Variants in TNS3 observed in about 807,000 individuals in gnomAD.
TNS3 encodes the protein tensin-3.
Under a neutral mutation model 140.9 loss-of-function variants are expected in TNS3, and 45 were observed. That is an observed-to-expected ratio of 0.32 (90% CI 0.25 to 0.41). The LOEUF is 0.41. Ranked by LOEUF, TNS3 falls within the 10% of genes least tolerant of loss-of-function variation. TNS3 has a pLI of 1.00. For synonymous variants in TNS3, 815 were observed against 788.4 expected (o/e 1.03, Z -0.56); for missense variants, 1,716 against 1,906.7 (o/e 0.90, Z 1.86).
intron 17 of TNS3, among the ~76,000 whole-genome samples, chr7:47,358,757 T>C (rs975376878): frequency 8.5e-5 from 13 of 152,196 alleles, no homozygotes; most frequent in African/African-American, 3.1e-4. Flanking sequence ...TGTTGCTTTA[T>C]GTCCCTGAGA....
intron 1 of TNS3, among the ~76,000 whole-genome samples, chr7:47,549,694 C>T (rs1193155959): frequency 1.3e-5 from 2 of 152,082 alleles, no homozygotes; most frequent in African/African-American, 4.8e-5. Flanking sequence ...AGTCCATCCA[C>T]CTTGGTCTTA....
At chr7:47,415,294 G>C in intron 10 of TNS3, 88 bp from the exon 11 acceptor site, 1 of 889,316 alleles carries the variant, frequency 1.1e-6, no homozygotes, top group South Asian at 1.6e-5. Context: ...CATCCTGGCT[G>C]AGTCTGGGGC....
intron 16 of TNS3, among the ~76,000 whole-genome samples, chr7:47,372,422 CA>C (rs1476810444): frequency 1.3e-5 from 2 of 152,136 alleles, no homozygotes; most frequent in African/African-American, 4.8e-5. Context: ...AAAATGCTGT[CA>C]AAAAGTGCTT....
intron 4 of TNS3, among the ~76,000 whole-genome samples, chr7:47,467,403 G>A (rs1211007440): frequency 1.3e-5 from 2 of 152,166 alleles, no homozygotes; most frequent in Admixed American, 1.3e-4. Flanking sequence ...TTCCGGCAGG[G>A]ACTTTTTTCT....
chr7:47,384,095 C>A (rs76004675), intron 16 of TNS3, among the ~76,000 whole-genome samples: 3,142 of 152,322 alleles, frequency 0.021, 103 homozygotes, highest in African/African-American at 0.071. Context: ...ATTCTCCCCC[C>A]ACTGTCTCCA....
chr7:47,536,758 CG>C (rs1479153375), intron 1 of TNS3, among the ~76,000 whole-genome samples: 1 of 152,198 alleles, frequency 6.6e-6, no homozygotes, highest in Non-Finnish European at 1.5e-5. Flanking sequence ...CACGCACCCA[CG>C]AGGACTCAGG....
intron 10 of TNS3, among the ~76,000 whole-genome samples, chr7:47,421,156 C>T (rs1264185759): frequency 6.6e-6 from 1 of 152,154 alleles, no homozygotes; most frequent in Non-Finnish European, 1.5e-5. Context: ...GTGCTGCTGT[C>T]TCAACTATCT....
chr7:47,291,945 A>G lies in TNS3; in HGVS notation c.3928+10T>C. The G allele has an allele frequency of 6.2e-7, 1 of 1,613,922 alleles. No homozygotes were observed. The highest frequency in any genetic ancestry group is 8.5e-7 in the Non-Finnish European group (1 of 1,179,928). On this transcript the variant is annotated intron_variant, in intron 27 of 30. Coordinates refer to ENST00000311160, the MANE Select transcript of TNS3 (RefSeq NM_022748.12). ...TCACCAGATGTAGAAATGGAGCTGCATTTACTGACCTGCCCCCTGCTTCAA... is the reference window on the plus strand; with the variant it reads ...TCACCAGATGTAGAAATGGAGCTGCGTTTACTGACCTGCCCCCTGCTTCAA...
intron 16 of TNS3, among the ~76,000 whole-genome samples, chr7:47,386,766 A>T (rs1220123619): frequency 6.6e-6 from 1 of 152,282 alleles, no homozygotes; most frequent in African/African-American, 2.4e-5. Flanking sequence ...TATCGGCAAG[A>T]TAAACTGAGC....
At chr7:47,507,075 G>A (rs1039647968) in intron 2 of TNS3, 131 bp from the exon 3 acceptor site, 14 of 661,006 alleles carry the variant, frequency 2.1e-5, no homozygotes, top group African/African-American at 1.7e-4. Context: ...TCTCTGGCAC[G>A]AGAGAGATTT....
chr7:47,510,255 C>T (rs960204155), intron 2 of TNS3, among the ~76,000 whole-genome samples: 1 of 152,082 alleles, frequency 6.6e-6, no homozygotes, highest in Non-Finnish European at 1.5e-5. Flanking sequence ...AAGGTGCTGG[C>T]CAGAAGGGAG....
At chr7:47,384,243 G>A (rs982306867) in intron 16 of TNS3, among the ~76,000 whole-genome samples, 7 of 152,210 alleles carry the variant, frequency 4.6e-5, no homozygotes, top group East Asian at 1.9e-4. Flanking sequence ...AGACAGGCCC[G>A]TCCCAGGGGG....
At position 47,392,702 on chromosome 7, in the gene TNS3, C is replaced by T. The variant is rs534719295; in HGVS notation, c.1024+4098G>A. ...GGGACCTGAGCCAGGCACTGCTGAC[C>T]GCAGGCAAGAGCGAAGACTGCCTGG... On this transcript the variant is annotated intron_variant, in intron 16 of 30. Transcript: ENST00000311160. Among the ~76,000 whole-genome samples the T allele has an allele frequency of 2.0e-3, 301 of 152,328 alleles. 3 individuals are homozygous for T. Among genetic ancestry groups the T allele is most frequent in the African/African-American group, 6.9e-3 (287 of 41,580 alleles).
chr7:47,573,866 C>G (rs538524165), intron 1 of TNS3, among the ~76,000 whole-genome samples: 3 of 152,202 alleles, frequency 2.0e-5, no homozygotes, highest in Admixed American at 2.0e-4. Flanking sequence ...GAGGGGAAAA[C>G]GACAGCCTGC....
At chr7:47,287,108 A>T (rs1334147521) in intron 27 of TNS3, among the ~76,000 whole-genome samples, 1 of 150,954 alleles carries the variant, frequency 6.6e-6, no homozygotes, top group Non-Finnish European at 1.5e-5. Flanking sequence ...GACTCTATAA[A>T]AAAAAAAAAG....
chr7:47,527,659 T>C (rs1799246822), intron 2 of TNS3, among the ~76,000 whole-genome samples: 1 of 152,152 alleles, frequency 6.6e-6, no homozygotes, highest in African/African-American at 2.4e-5. Context: ...AAACCTGTAA[T>C]CCCAGCACTT....
intron 5 of TNS3, among the ~76,000 whole-genome samples, 165 bp from the exon 6 acceptor site, chr7:47,439,823 T>A (rs193077414): frequency 5.3e-5 from 8 of 152,300 alleles, no homozygotes. Flanking sequence ...CTGTGCTGTG[T>A]TCCCATAACA....
intron 13 of TNS3, among the ~76,000 whole-genome samples, chr7:47,406,007 C>T (rs770335725): frequency 1.4e-4 from 21 of 152,166 alleles, no homozygotes; most frequent in Non-Finnish European, 2.1e-4. Context: ...GGGAGCAAGC[C>T]GGATCAGGCC....
chr7:47,566,743 G>C (rs971479195), intron 1 of TNS3, among the ~76,000 whole-genome samples: 3 of 152,242 alleles, frequency 2.0e-5, no homozygotes, highest in Non-Finnish European at 2.9e-5. Flanking sequence ...AGGACAAAAA[G>C]ACATTCCATC....
Sources: allele counts gnomAD v4.1 joint callset (sites outside exome capture counted in the v4.1 genomes callset), GRCh38; gene constraint gnomAD v4.1.1; transcripts MANE v1.5; gene names NCBI Gene and HGNC (gene_info 2026-07-23, HGNC 2026-07-21).